BMERB1: variants seen among roughly 807,000 people sequenced by gnomAD.
BMERB1 encodes bMERB domain-containing protein 1.
Under a neutral mutation model 23.6 loss-of-function variants are expected in BMERB1, and 12 were observed. The ratio of observed to expected loss-of-function variants is 0.51; its 90% confidence interval spans 0.33 to 0.82. The LOEUF is 0.82. Among genes scored for constraint, BMERB1 ranks in the 40% least tolerant of loss-of-function variants. BMERB1 has a pLI of 0.03. For synonymous variants in BMERB1, 122 were observed against 96.6 expected (o/e 1.26, Z -1.54); for missense variants, 247 against 255.4 (o/e 0.97, Z 0.22).
rs887577071 is a variant in BMERB1 at position 15,449,585 on chromosome 16, G to A, written c.106+14826G>A. Among the ~76,000 whole-genome samples, 9 of 151,156 alleles carry A rather than the reference G, an allele frequency of 6.0e-5. No individual in the cohort carries two copies. In the South Asian group the frequency reaches 1.3e-3, roughly 21 times the overall value. Reference sequence around the variant, plus strand: ...TTAAGAGAGGGAGTCTCGCTCTGTCGCCCATGCTGGAGTGCAATGGTGTGA... The same window carrying A: ...TTAAGAGAGGGAGTCTCGCTCTGTCACCCATGCTGGAGTGCAATGGTGTGA... On this transcript the variant is annotated intron_variant, in intron 1 of 5. Coordinates refer to ENST00000300006, the MANE Select transcript of BMERB1 (RefSeq NM_033201.3).
At chr16:15,539,695 T>C (rs145467182) in intron 2 of BMERB1, among the ~76,000 whole-genome samples, 1,910 of 151,870 alleles carry the variant, frequency 0.013, 41 homozygotes, top group African/African-American at 0.043. Flanking sequence ...ATACAAAAAT[T>C]AGCTGGGCGT....
At chr16:15,469,873 A>G (rs1359162676) in intron 1 of BMERB1, among the ~76,000 whole-genome samples, 1 of 152,142 alleles carries the variant, frequency 6.6e-6, no homozygotes, top group South Asian at 2.1e-4. Flanking sequence ...TATTAGCTCT[A>G]ATAGTTTTTT....
At chr16:15,490,760 G>A (rs1177999269) in intron 1 of BMERB1, among the ~76,000 whole-genome samples, 1 of 152,254 alleles carries the variant, frequency 6.6e-6, no homozygotes, top group Non-Finnish European at 1.5e-5. Context: ...ATGCTGGAAA[G>A]TTGTGTGTGG....
At chr16:15,501,383 C>T (rs2051528554) in intron 1 of BMERB1, among the ~76,000 whole-genome samples, 1 of 151,750 alleles carries the variant, frequency 6.6e-6, no homozygotes, top group East Asian at 1.9e-4. Context: ...ACCTCCGCCT[C>T]CCAGGTTCAA....
intron 2 of BMERB1, among the ~76,000 whole-genome samples, chr16:15,535,501 T>G (rs547770790): frequency 1.3e-5 from 2 of 151,598 alleles, no homozygotes; most frequent in Admixed American, 6.6e-5. Context: ...CAAAAAAAAA[T>G]TAGGTGACTA....
At chr16:15,495,774 C>T (rs1026611133) in intron 1 of BMERB1, among the ~76,000 whole-genome samples, 1 of 152,172 alleles carries the variant, frequency 6.6e-6, no homozygotes, top group Non-Finnish European at 1.5e-5. Flanking sequence ...TTCTCATCTT[C>T]CAAGAGGGCA....
intron 1 of BMERB1, among the ~76,000 whole-genome samples, chr16:15,448,209 G>A (rs766274472): frequency 6.6e-5 from 10 of 152,270 alleles, no homozygotes; most frequent in South Asian, 2.1e-4. Context: ...ATTTTAGGAA[G>A]GCTTGTCTGG....
At chr16:15,437,093 A>G (rs141843907) in intron 1 of BMERB1, among the ~76,000 whole-genome samples, 21 of 152,280 alleles carry the variant, frequency 1.4e-4, no homozygotes, top group Admixed American at 1.2e-3. Flanking sequence ...TGCTTTTAAC[A>G]TGAAGGTTTA....
At chr16:15,580,549 CTT>C (rs35826126) in intron 3 of BMERB1, among the ~76,000 whole-genome samples, 30 of 138,598 alleles carry the variant, frequency 2.2e-4, no homozygotes, top group Non-Finnish European at 2.0e-4. Flanking sequence ...AGCTCAAGTG[CTT>C]TTTTTTTTTT....
chr16:15,532,383 C>A (rs1282149405), intron 2 of BMERB1, among the ~76,000 whole-genome samples: 1 of 151,914 alleles, frequency 6.6e-6, no homozygotes, highest in Admixed American at 6.6e-5. Flanking sequence ...AGGCACCCGC[C>A]ACTGCTCCCA....
chr16:15,438,744 G>A (rs1306292657), intron 1 of BMERB1, among the ~76,000 whole-genome samples: 1 of 152,236 alleles, frequency 6.6e-6, no homozygotes, highest in Non-Finnish European at 1.5e-5. Context: ...ACAGATGTGA[G>A]CTACCATGCC....
chr16:15,543,117 G>A (rs139757228), intron 2 of BMERB1, among the ~76,000 whole-genome samples: 2,940 of 152,224 alleles, frequency 0.019, 32 homozygotes, highest in Non-Finnish European at 0.032. Flanking sequence ...GCTCTCAGTG[G>A]AAGGGGAGCT....
At chr16:15,542,522 G>A (rs967329281) in intron 2 of BMERB1, among the ~76,000 whole-genome samples, 7 of 151,918 alleles carry the variant, frequency 4.6e-5, no homozygotes, top group African/African-American at 1.7e-4. Flanking sequence ...CAGTCCTATC[G>A]CTCAGGAAAC....
chr16:15,565,529 C>T (rs1014373771), intron 2 of BMERB1, among the ~76,000 whole-genome samples: 1 of 152,186 alleles, frequency 6.6e-6, no homozygotes, highest in Non-Finnish European at 1.5e-5. Context: ...GAGATGACAA[C>T]AATGCCCAAC....
chr16:15,563,487 G>C (rs1458274274), intron 2 of BMERB1, among the ~76,000 whole-genome samples: 2 of 151,960 alleles, frequency 1.3e-5, no homozygotes, highest in Non-Finnish European at 2.9e-5. Flanking sequence ...CCAAAGTGCT[G>C]GGATTACAGG....
intron 2 of BMERB1, among the ~76,000 whole-genome samples, chr16:15,534,509 G>C (rs958321929): frequency 1.3e-5 from 2 of 151,886 alleles, no homozygotes; most frequent in African/African-American, 4.8e-5. Flanking sequence ...AGCCGAGATT[G>C]TGCCACTACA....
In BMERB1 at chr16:15,464,960, A is replaced by G. The variant is rs190176807; in HGVS notation, c.106+30201A>G. On this transcript the variant is annotated intron_variant, in intron 1 of 5. Transcript: ENST00000300006. ...TTTTACCCTTATTCAAGATGGAGTC[A>G]CTCTGGTTCAAATGCCTCTGACAAA... Among the ~76,000 whole-genome samples, 9 of 152,174 alleles carry G rather than the reference A, an allele frequency of 5.9e-5. 1 individual carries two copies. The East Asian group carries it at 1.4e-3, about 23-fold the overall frequency.
chr16:15,499,818 T>C (rs2051510390), intron 1 of BMERB1, among the ~76,000 whole-genome samples: 1 of 152,194 alleles, frequency 6.6e-6, no homozygotes, highest in African/African-American at 2.4e-5. Context: ...GCAGCATTAT[T>C]ATTTAATAAC....
rs560701445 is a variant in BMERB1, at chr16:15,477,073, C to T, written c.107-38232C>T. ...GCTAGTAGTTCAAGACCAGCCTAGGCAACTGTATTAGTCTGTTCTCATGCT... is the reference window on the plus strand; with the variant it reads ...GCTAGTAGTTCAAGACCAGCCTAGGTAACTGTATTAGTCTGTTCTCATGCT... On this transcript the variant is annotated intron_variant, in intron 1 of 5. Coordinates refer to ENST00000300006, the MANE Select transcript of BMERB1 (RefSeq NM_033201.3). Among the ~76,000 whole-genome samples, 23 of 152,264 alleles carry T rather than the reference C, an allele frequency of 1.5e-4. No homozygotes were observed. The South Asian group carries it at 4.8e-3, about 32-fold the overall frequency.
Sources: gnomAD v4.1 joint callset for allele counts (sites outside exome capture counted in the v4.1 genomes callset) on GRCh38, gnomAD v4.1.1 for gene constraint, MANE v1.5 for transcripts, NCBI Gene and HGNC (gene_info 2026-07-23, HGNC 2026-07-21) for gene names.